The following RBFOX1 variants were observed in gnomAD, a reference collection of about 807,000 sequenced individuals.
RBFOX1 encodes RNA binding fox-1 homolog 1.
A neutral mutation model predicts 57.7 loss-of-function variants in RBFOX1; 8 were observed. The observed-to-expected ratio is 0.14, with a 90% CI of 0.08 to 0.25. RBFOX1 has a LOEUF of 0.25. Ranked by LOEUF, RBFOX1 falls within the 10% of genes least tolerant of loss-of-function variation. The pLI is 1.00. For missense variants in RBFOX1, 611 were observed against 548.5 expected, an observed-to-expected ratio of 1.11 and a Z score of -1.14; for synonymous variants, 326 against 222.4, an observed-to-expected ratio of 1.47 and a Z score of -4.15.
intron 4 of RBFOX1, among the ~76,000 whole-genome samples, chr16:7,512,891 G>C (rs2075478674): frequency 6.6e-6 from 1 of 152,222 alleles, no homozygotes; most frequent in Non-Finnish European, 1.5e-5. Context: ...CTAGTCCCTG[G>C]CTTCCTCACA....
intron 3 of RBFOX1, among the ~76,000 whole-genome samples, chr16:6,849,950 G>A (rs2093978230): frequency 6.6e-6 from 1 of 152,164 alleles, no homozygotes. Context: ...TAGAAAGCTG[G>A]AGACTTTGTC....
At chr16:6,674,287 G>A (rs778597430) in intron 3 of RBFOX1, among the ~76,000 whole-genome samples, 30 of 152,130 alleles carry the variant, frequency 2.0e-4, no homozygotes, top group African/African-American at 4.1e-4. Context: ...TGGAGCAGTC[G>A]TAAAACCAAT....
intron 4 of RBFOX1, among the ~76,000 whole-genome samples, chr16:7,269,001 C>T (rs1171089929): frequency 1.5e-5 from 2 of 136,242 alleles, no homozygotes; most frequent in Admixed American, 8.0e-5. Flanking sequence ...CACGCCAGTG[C>T]ACTCCAGCTT....
chr16:6,739,806 G>A (rs1254134225), intron 3 of RBFOX1, among the ~76,000 whole-genome samples: 7 of 152,100 alleles, frequency 4.6e-5, no homozygotes, highest in Non-Finnish European at 7.4e-5. Context: ...GAACCTGGGA[G>A]GCAGAGGTTG....
chr16:6,000,363 C>T (rs1207141382), intron 4 of RBFOX1, among the ~76,000 whole-genome samples: 1 of 152,098 alleles, frequency 6.6e-6, no homozygotes, highest in Non-Finnish European at 1.5e-5. Context: ...CAGGGAGAGG[C>T]AGTAACAGCT....
At chr16:5,900,031 T>C (rs1335112455) in intron 4 of RBFOX1, among the ~76,000 whole-genome samples, 1 of 152,168 alleles carries the variant, frequency 6.6e-6, no homozygotes, top group African/African-American at 2.4e-5. Context: ...TGAGCCGAGA[T>C]TGTGCCACTG....
chr16:5,771,988 A>G (rs150210760), intron 3 of RBFOX1, among the ~76,000 whole-genome samples: 1 of 152,140 alleles, frequency 6.6e-6, no homozygotes, highest in African/African-American at 2.4e-5. Context: ...CCTGACCAAC[A>G]TGGTGAAACC....
At chr16:6,704,337 C>A (rs1015771563) in intron 3 of RBFOX1, 1 of 152,220 alleles carries the variant, frequency 6.6e-6, no homozygotes, top group Non-Finnish European at 1.5e-5. Context: ...ACTTTGTAGA[C>A]ACAATGGCTC....
intron 3 of RBFOX1, among the ~76,000 whole-genome samples, chr16:6,974,136 C>T (rs989603729): frequency 3.3e-5 from 5 of 152,030 alleles, no homozygotes; most frequent in African/African-American, 4.8e-5. Flanking sequence ...CATAGAATTC[C>T]GTGGTGTATA....
chr16:5,555,158 C>T (rs1195318104), intron 2 of RBFOX1, among the ~76,000 whole-genome samples: 8 of 152,178 alleles, frequency 5.3e-5, no homozygotes, highest in Admixed American at 2.0e-4. Flanking sequence ...AGCTACCCTC[C>T]GCTATGGATG....
At chr16:6,620,730 G>A (rs570685303) in intron 2 of RBFOX1, among the ~76,000 whole-genome samples, 2 of 152,228 alleles carry the variant, frequency 1.3e-5, no homozygotes, top group East Asian at 3.9e-4. Context: ...AACCCTCTCT[G>A]CACATAAACT....
intron 2 of RBFOX1, among the ~76,000 whole-genome samples, chr16:6,645,011 G>A (rs778982283): frequency 4.6e-5 from 7 of 152,124 alleles, no homozygotes; most frequent in African/African-American, 9.7e-5. Flanking sequence ...GAGGCTCTAC[G>A]TCCAAGTTGA....
chr16:6,552,488 A>G (rs771795919), intron 2 of RBFOX1, among the ~76,000 whole-genome samples: 1 of 152,156 alleles, frequency 6.6e-6, no homozygotes, highest in African/African-American at 2.4e-5. Context: ...ACTACCTGCA[A>G]AGTATTCAGA....
At chr16:7,021,929 ATTTTC>A (rs945264372) in intron 3 of RBFOX1, among the ~76,000 whole-genome samples, 1 of 120,588 alleles carries the variant, frequency 8.3e-6, no homozygotes, top group Non-Finnish European at 1.8e-5. Context: ...TTCTTTCTTT[ATTTTC>A]TTTTCTTTCT....
At chr16:6,064,143 G>T (rs146388258) in intron 1 of RBFOX1, among the ~76,000 whole-genome samples, 3 of 152,088 alleles carry the variant, frequency 2.0e-5, no homozygotes. Context: ...AGGTATTTCA[G>T]CTACATGATC....
At chr16:6,555,631 C>T (rs573079108) in intron 2 of RBFOX1, among the ~76,000 whole-genome samples, 1 of 152,068 alleles carries the variant, frequency 6.6e-6, no homozygotes, top group Non-Finnish European at 1.5e-5. Context: ...ATCCGGGAGG[C>T]AGAGCTTGCC....
chr16:5,557,392 A>G (rs1768167836), intron 2 of RBFOX1, among the ~76,000 whole-genome samples: 1 of 138,092 alleles, frequency 7.2e-6, no homozygotes, highest in African/African-American at 2.7e-5. Context: ...AGTCAAGCAC[A>G]TGGGCATTGG....
chr16:7,554,357 A>G (rs1472336083), intron 5 of RBFOX1, among the ~76,000 whole-genome samples: 1 of 152,210 alleles, frequency 6.6e-6, no homozygotes, highest in Non-Finnish European at 1.5e-5. Flanking sequence ...TGTGTTTTAT[A>G]TACTTTTAGG....
At chr16:5,264,647 A>G (rs376970414) in intron 1 of RBFOX1, among the ~76,000 whole-genome samples, 2 of 152,116 alleles carry the variant, frequency 1.3e-5, no homozygotes, top group African/African-American at 2.4e-5. Context: ...CATGTATCCA[A>G]TTCTCCTGTC....
Sources: gnomAD v4.1 joint callset for allele counts (sites outside exome capture counted in the v4.1 genomes callset) on GRCh38, gnomAD v4.1.1 for gene constraint, MANE v1.5 for transcripts, NCBI Gene and HGNC (gene_info 2026-07-23, HGNC 2026-07-21) for gene names.